ANKRD18B: variants seen among roughly 807,000 people sequenced by gnomAD.
The protein encoded by ANKRD18B is ankyrin repeat domain 18B.
Under a neutral mutation model 111.8 loss-of-function variants are expected in ANKRD18B, and 75 were observed. The ratio of observed to expected loss-of-function variants is 0.67; its 90% CI spans 0.56 to 0.81. The LOEUF is 0.81. ANKRD18B is among the 40% of genes least tolerant of loss of function. ANKRD18B has a pLI of 0.00. For missense variants in ANKRD18B, 1,038 were observed against 1,225.5 expected (o/e 0.85, Z 2.28); for synonymous variants, 356 against 417.3 (o/e 0.85, Z 1.79).
rs765297518 is a variant in ANKRD18B, at chr9:33,567,152, C to T, written c.2792C>T (p.Thr931Met). The change falls in exon 16 of 19, where the codon ACG (threonine) becomes ATG (methionine). Residue 931 changes from threonine to methionine, a missense_variant. Coordinates refer to ENST00000684830, the MANE Select transcript of ANKRD18B (RefSeq NM_001393611.1). ...TTAGAGCAGTTAAACAAGGATAATA[C>T]GGCTTCACTAAAAAAGAAGGAACTC... ...KQLEQLNKDN[T>M]ASLKKKELTL... is the part of the protein sequence containing the mutation. 62 of 1,546,854 alleles carry T rather than the reference C, an allele frequency of 4.0e-5. No individual in the cohort carries two copies. Among genetic ancestry groups the T allele is most frequent in the South Asian group, 3.6e-5 (3 of 82,916 alleles).
downstream of ANKRD18B, among the ~76,000 whole-genome samples, chr9:33,575,417 T>C (rs2118171989): frequency 6.6e-6 from 1 of 152,318 alleles, no homozygotes; most frequent in East Asian, 1.9e-4. Context: ...GAAGTCATTC[T>C]CAAAGGGGAA....
downstream of ANKRD18B, chr9:33,574,655 G>C (rs1828834727): frequency 6.5e-6 from 1 of 152,708 alleles, no homozygotes; most frequent in African/African-American, 2.4e-5. Context: ...GGCCCTGGTG[G>C]TGACAGTGAT....
chr9:33,549,913 A>C (rs1230222690), intron 11 of ANKRD18B, among the ~76,000 whole-genome samples: 1 of 152,172 alleles, frequency 6.6e-6, no homozygotes, highest in Non-Finnish European at 1.5e-5. Context: ...AATTCTTTCC[A>C]GTACAAAGAT....
chr9:33,556,983 TA>T (rs985133629), intron 13 of ANKRD18B, among the ~76,000 whole-genome samples: 1 of 152,078 alleles, frequency 6.6e-6, no homozygotes, highest in Non-Finnish European at 1.5e-5. Context: ...AGACTTTTTT[TA>T]AAAAAATGGA....
intron 3 of ANKRD18B, among the ~76,000 whole-genome samples, chr9:33,531,644 T>A (rs1234001751): frequency 6.6e-6 from 1 of 150,620 alleles, no homozygotes; most frequent in East Asian, 1.9e-4. Flanking sequence ...TTCATCCTTA[T>A]AAGTATTTGA....
At chr9:33,556,996 T>A (rs1211920947) in intron 13 of ANKRD18B, among the ~76,000 whole-genome samples, 1 of 152,146 alleles carries the variant, frequency 6.6e-6, no homozygotes, top group East Asian at 1.9e-4. Flanking sequence ...AAAAATGGAA[T>A]GTGTCTTTGA....
intron 3 of ANKRD18B, among the ~76,000 whole-genome samples, chr9:33,529,776 G>A (rs970392345): frequency 1.3e-5 from 2 of 152,196 alleles, no homozygotes; most frequent in African/African-American, 4.8e-5. Context: ...TTGGTAAAAA[G>A]AGTGACTGAA....
rs1828385483 is a variant in ANKRD18B, at chr9:33,547,991, GAA to G, written c.1204_1205del (p.Lys402GlufsTer16). 6.7e-7 allele frequency: 1 copy of G among 1,484,604 alleles called. No individual in the cohort carries two copies. The highest frequency in any genetic ancestry group is 2.5e-5 in the East Asian group (1 of 39,994). 92.0% of individuals were successfully genotyped at this position (1,484,604 alleles called of 1,614,324 possible). On this transcript the variant is annotated frameshift_variant, in exon 11 of 19. Transcript: ENST00000684830. LOFTEE classifies it high-confidence loss of function. ...KDEMFGNFML[K>X]RDIAMLKEEL... ...ATGAGATGTTTGGAAATTTTATGTT[GAA>G]GAGAGACATTGCCATGCTCAAAGAG... is the stretch of plus-strand genomic sequence containing the variant.
In ANKRD18B at chr9:33,548,743, T is replaced by C. The variant is rs1021560333; in HGVS notation, c.1955T>C (p.Leu652Pro). 4 of 1,550,390 alleles carry C rather than the reference T, an allele frequency of 2.6e-6. No individual in the cohort carries two copies. Among genetic ancestry groups the C allele is most frequent in the Non-Finnish European group, 3.5e-6 (4 of 1,146,428 alleles). ...EIVINIHRDC[L>P]ENGKEDLLEE... ...GTCATTAATATCCACAGAGACTGTCTTGAGAATGGAAAGGAAGATCTTCTA... is the reference window on the plus strand; with the variant it reads ...GTCATTAATATCCACAGAGACTGTCCTGAGAATGGAAAGGAAGATCTTCTA... The change falls in exon 11 of 19, where the codon CTT (leucine) becomes CCT (proline). Residue 652 changes from leucine to proline, a missense_variant. Physicochemically the swap from Leu to Pro is moderately conservative, Grantham distance 98 (BLOSUM62 -3). This residue lies in a region of ANKRD18B where 524 missense variants were observed against 677.9 expected (regional missense o/e 0.77). Transcript: ENST00000684830.
chr9:33,535,374 C>G (rs781159015), intron 5 of ANKRD18B, among the ~76,000 whole-genome samples: 2 of 152,234 alleles, frequency 1.3e-5, no homozygotes, highest in Non-Finnish European at 1.5e-5. Context: ...CAAGCTCCCC[C>G]TCCTGGGTTC....
intron 12 of ANKRD18B, among the ~76,000 whole-genome samples, chr9:33,551,051 T>C (rs1364173177): frequency 6.6e-6 from 1 of 152,200 alleles, no homozygotes; most frequent in Non-Finnish European, 1.5e-5. Flanking sequence ...ATACTGTTCT[T>C]TGAAATGCAC....
At chr9:33,565,916 T>G (rs546485457) in intron 14 of ANKRD18B, among the ~76,000 whole-genome samples, 1 of 152,286 alleles carries the variant, frequency 6.6e-6, no homozygotes, top group East Asian at 1.9e-4. Flanking sequence ...CACTTTTTAC[T>G]AAGAGATAAC....
chr9:33,548,062 A>G lies in ANKRD18B; in HGVS notation c.1274A>G (p.Lys425Arg), dbSNP rs1423459242. Residue 425 changes from lysine to arginine, a missense_variant, in exon 11 of 19, where the codon AAA becomes AGA. Around this residue, in one of 4 missense-constraint regions of ANKRD18B, gnomAD observed 205 missense variants for 201.3 expected, o/e 1.02. Coordinates refer to ENST00000684830, the MANE Select transcript of ANKRD18B (RefSeq NM_001393611.1). ...AATGACAGTCTCAGAAAGGAAAAGA[A>G]ATATATTCAGGAAATTAAAAGTATT... Reference protein sequence around the residue: ...IKNDSLRKEKKYIQEIKSITE... With the variant: ...IKNDSLRKEKRYIQEIKSITE... 6.5e-7 allele frequency: 1 copy of G among 1,538,058 alleles called. No homozygotes were observed. The highest frequency in any genetic ancestry group is 8.8e-7 in the Non-Finnish European group (1 of 1,142,682).
At chr9:33,567,911 T>C (rs1828711187) in intron 16 of ANKRD18B, among the ~76,000 whole-genome samples, 1 of 152,228 alleles carries the variant, frequency 6.6e-6, no homozygotes, top group Non-Finnish European at 1.5e-5. Context: ...CACAAGGTGG[T>C]TCAAAAATAA....
intron 9 of ANKRD18B, among the ~76,000 whole-genome samples, chr9:33,542,664 G>A (rs145023229): frequency 0.023 from 3,469 of 152,070 alleles, 50 homozygotes; most frequent in Non-Finnish European, 0.037. Context: ...TGTGAGCTAC[G>A]TCCCCAGCCT....
downstream of ANKRD18B, among the ~76,000 whole-genome samples, chr9:33,573,487 C>G (rs923772335): frequency 6.9e-6 from 1 of 144,944 alleles, no homozygotes; most frequent in East Asian, 2.1e-4. Context: ...CTTCCTCCCA[C>G]TCTGACACTC....
intron 14 of ANKRD18B, among the ~76,000 whole-genome samples, chr9:33,564,935 C>G (rs1395680016): frequency 6.6e-6 from 1 of 151,622 alleles, no homozygotes; most frequent in Non-Finnish European, 1.5e-5. Context: ...TGTTTGAGTT[C>G]CTTGTGTATT....
intron 3 of ANKRD18B, among the ~76,000 whole-genome samples, 157 bp from the exon 4 acceptor site, chr9:33,533,282 G>A (rs1828143128): frequency 6.6e-6 from 1 of 152,226 alleles, no homozygotes; most frequent in African/African-American, 2.4e-5. Context: ...AAGGCAGTGT[G>A]TGGGAAAGCA....
intron 14 of ANKRD18B, among the ~76,000 whole-genome samples, chr9:33,562,408 G>A (rs1828620400): frequency 1.3e-5 from 2 of 151,924 alleles, no homozygotes; most frequent in Admixed American, 6.6e-5. Context: ...TGCAGATCTT[G>A]CATTCTCAGA....
Sources: gnomAD v4.1 joint callset for allele counts (sites outside exome capture counted in the v4.1 genomes callset) on GRCh38, gnomAD v4.1.1 for gene constraint, gnomAD v4.1.1 regional missense constraint, MANE v1.5 for transcripts, NCBI Gene and HGNC (gene_info 2026-07-23, HGNC 2026-07-21) for gene names.